The following RALB variants were observed in gnomAD, a reference collection of about 807,000 sequenced individuals.
RALB encodes RAS like proto-oncogene B.
Under a neutral mutation model 21.3 loss-of-function variants are expected in RALB, and 16 were observed. The ratio of observed to expected loss-of-function variants is 0.75; its 90% confidence interval spans 0.51 to 1.14. The LOEUF is 1.14. Among genes scored for constraint, RALB ranks in the 50% most tolerant of loss-of-function variants. The probability of loss-of-function intolerance (pLI) is 0.00; values close to 1 mark genes in which losing one functional copy is unlikely to be tolerated. For synonymous variants in RALB, 93 were observed against 96.1 expected, an observed-to-expected ratio of 0.97 and a Z score of 0.19; for missense variants, 161 against 256.2, an observed-to-expected ratio of 0.63 and a Z score of 2.54.
intron 1 of RALB, among the ~76,000 whole-genome samples, chr2:120,277,719 G>C (rs915297927): frequency 6.6e-6 from 1 of 151,532 alleles, no homozygotes; most frequent in East Asian, 1.9e-4. Context: ...GTGATAGTGC[G>C]TGTGTGATAG....
At chr2:120,291,926 C>CA (rs781384410) in intron 4 of RALB, among the ~76,000 whole-genome samples, 11 of 152,050 alleles carry the variant, frequency 7.2e-5, no homozygotes, top group Non-Finnish European at 1.3e-4. Flanking sequence ...AAGGTGTGGC[C>CA]ATGAAGGAGC....
rs1296747489 is a variant in RALB, at chr2:120,294,281, G to T, written c.*1021G>T. On this transcript the variant is annotated 3_prime_UTR_variant, in exon 5 of 5. Transcript: ENST00000272519. ...ACCTTCTGCTACCTCTCATAGAATT[G>T]CTCTGTAATTCTAAATTTAAAATTA... The T allele has an allele frequency of 2.5e-6, 1 of 398,660 alleles. No individual in the cohort carries two copies. The highest frequency in any genetic ancestry group is 4.4e-6 in the Non-Finnish European group (1 of 226,054). The allele number at this position is 398,660 out of a possible 1,614,324, so 24.7% of individuals were successfully genotyped here. A position where few individuals can be genotyped will look rare whatever the true frequency, so the allele number is the denominator to read the frequency against.
intron 2 of RALB, chr2:120,280,935 A>T (rs779589513): frequency 1.0e-4 from 41 of 406,452 alleles, no homozygotes; most frequent in Non-Finnish European, 1.9e-4. Context: ...ATTAATAAAA[A>T]TATTGTTATT....
intron 4 of RALB, among the ~76,000 whole-genome samples, chr2:120,291,146 C>G (rs1049333772): frequency 6.6e-6 from 1 of 152,154 alleles, no homozygotes; most frequent in Non-Finnish European, 1.5e-5. Flanking sequence ...TTGCTTTAGA[C>G]GCACTTCGGC....
intron 1 of RALB, among the ~76,000 whole-genome samples, chr2:120,254,404 A>C (rs34874174): frequency 0.46 from 69,493 of 152,048 alleles, 17,474 homozygotes; most frequent in Middle Eastern, 0.67. Context: ...TCCCATTGGA[A>C]ACAGCACTCT....
chr2:120,247,748 G>A (rs567948167), intron 1 of RALB, among the ~76,000 whole-genome samples: 7 of 152,334 alleles, frequency 4.6e-5, no homozygotes, highest in South Asian at 4.1e-4. Flanking sequence ...CTGCTTAGGC[G>A]CTCCACGAGG....
chr2:120,245,509 C>T (rs1438287751), intron 1 of RALB, among the ~76,000 whole-genome samples: 1 of 152,200 alleles, frequency 6.6e-6, no homozygotes, highest in Non-Finnish European at 1.5e-5. Flanking sequence ...CCTCTTCTAC[C>T]TGTCTGGGGT....
intron 4 of RALB, among the ~76,000 whole-genome samples, chr2:120,290,716 C>T (rs182387090): frequency 1.4e-4 from 22 of 151,880 alleles, no homozygotes; most frequent in Admixed American, 1.4e-3. Flanking sequence ...CCTTGAGTGA[C>T]AATGATGAAT....
chr2:120,263,455 G>C (rs1302910440), intron 1 of RALB, among the ~76,000 whole-genome samples: 2 of 152,248 alleles, frequency 1.3e-5, no homozygotes, highest in African/African-American at 4.8e-5. Flanking sequence ...ACTGTGCCCA[G>C]GCTAGAATGA....
chr2:120,279,735 CAG>C (rs1689938406), intron 2 of RALB, among the ~76,000 whole-genome samples: 1 of 152,186 alleles, frequency 6.6e-6, no homozygotes, highest in Non-Finnish European at 1.5e-5. Context: ...GCTTAAACCT[CAG>C]GGCCTCTCAC....
At position 120,243,798 on chromosome 2, in the gene RALB, C is replaced by T. The variant is rs554925435; in HGVS notation, c.19+3673C>T. Among the ~76,000 whole-genome samples the T allele has an allele frequency of 6.6e-5, 10 of 152,202 alleles. No homozygotes were observed. In the East Asian group the frequency reaches 7.7e-4, roughly 12 times the overall value. On this transcript the variant is annotated intron_variant, in intron 1 of 3. Coordinates refer to the RALB transcript ENST00000447591. Reference sequence around the variant, plus strand: ...TATAAGTATGGCCCCTGTATTGCATCGGTATTTCATGTGGCAAGTCTAGTC... The same window carrying T: ...TATAAGTATGGCCCCTGTATTGCATTGGTATTTCATGTGGCAAGTCTAGTC...
intron 2 of RALB, chr2:120,280,745 C>A: frequency 7.4e-6 from 2 of 269,906 alleles, no homozygotes; most frequent in Non-Finnish European, 1.5e-5. Flanking sequence ...AGTTGTGAAG[C>A]TGAAAGAACC....
chr2:120,276,427 A>G (rs1387327163), intron 1 of RALB, among the ~76,000 whole-genome samples: 1 of 151,954 alleles, frequency 6.6e-6, no homozygotes, highest in Admixed American at 6.6e-5. Context: ...ACATGGTGAA[A>G]CCCCATCTCT....
At chr2:120,289,814 G>A (rs920682965) in intron 4 of RALB, 57 bp downstream of exon 4, 1 of 1,488,116 alleles carries the variant, frequency 6.7e-7, no homozygotes, top group African/African-American at 1.4e-5. Context: ...GCAGAATGGA[G>A]GCATCTCATC....
intron 4 of RALB, among the ~76,000 whole-genome samples, chr2:120,290,375 C>T (rs530952342): frequency 1.3e-5 from 2 of 152,208 alleles, no homozygotes; most frequent in Non-Finnish European, 2.9e-5. Flanking sequence ...GGATGGACGT[C>T]ATTAGCTTCT....
At chr2:120,265,635 CAT>C (rs1689482361) in intron 1 of RALB, among the ~76,000 whole-genome samples, 1 of 152,178 alleles carries the variant, frequency 6.6e-6, no homozygotes, top group African/African-American at 2.4e-5. Flanking sequence ...CTAATCCACT[CAT>C]AGAGCACAGA....
At chr2:120,261,374 A>AG (rs1443021015) in intron 1 of RALB, among the ~76,000 whole-genome samples, 7 of 152,156 alleles carry the variant, frequency 4.6e-5, no homozygotes, top group African/African-American at 1.7e-4. Context: ...GCTGGAGACA[A>AG]GGAGAAGAAG....
Position 120,289,753 on chromosome 2 carries a change from A to G in RALB, c.497A>G (p.Asp166Gly), listed in dbSNP as rs1690263581. ...ETSAKTRANV[D>G]KVFFDLMREI... Reference sequence around the variant, plus strand: ...TCAGCGAAGACCCGGGCCAACGTGGACAAGGTAGGCGTGAATTCTGTGTAT... The same window carrying G: ...TCAGCGAAGACCCGGGCCAACGTGGGCAAGGTAGGCGTGAATTCTGTGTAT... The change falls in exon 4 of 5, where the codon GAC becomes GGC. Residue 166 changes from aspartate to glycine, a missense_variant. Asp to Gly is a moderately conservative substitution (Grantham distance 94, BLOSUM62 -1). Transcript: ENST00000272519. The G allele has an allele frequency of 6.2e-7, 1 of 1,605,640 alleles. No individual in the cohort carries two copies. The highest frequency in any genetic ancestry group is 8.5e-7 in the Non-Finnish European group (1 of 1,175,238).
At chr2:120,256,205 G>A (rs6542576) in intron 1 of RALB, among the ~76,000 whole-genome samples, 105,689 of 152,092 alleles carry the variant, frequency 0.69, 37,314 homozygotes, top group Middle Eastern at 0.8. Context: ...AAAATGGCAC[G>A]TTCACATGGC....
Sources: allele counts gnomAD v4.1 joint callset (sites outside exome capture counted in the v4.1 genomes callset), GRCh38; gene constraint gnomAD v4.1.1; transcripts MANE v1.5; gene names NCBI Gene and HGNC (gene_info 2026-07-23, HGNC 2026-07-21).